The following ATF3 variants were observed in gnomAD, a reference collection of about 807,000 sequenced individuals.
ATF3 encodes cyclic AMP-dependent transcription factor ATF-3.
A neutral mutation model predicts 18.4 loss-of-function variants in ATF3; 10 were observed. That is an observed-to-expected ratio of 0.54 (90% CI 0.34 to 0.92). The LOEUF (loss-of-function observed/expected upper bound fraction) is 0.92. Among genes scored for constraint, ATF3 ranks in the 40% least tolerant of loss-of-function variants. The pLI is 0.02. For synonymous variants in ATF3, 78 were observed against 87.9 expected, an observed-to-expected ratio of 0.89 and a Z score of 0.63; for missense variants, 183 against 222.3, an observed-to-expected ratio of 0.82 and a Z score of 1.12.
intron 1 of ATF3, among the ~76,000 whole-genome samples, chr1:212,566,359 CTG>C (rs956794061): frequency 6.6e-6 from 1 of 152,198 alleles, no homozygotes; most frequent in African/African-American, 2.4e-5. Flanking sequence ...CTGCCATTTG[CTG>C]TGCGACCTTG....
At chr1:212,578,585 T>C (rs1558226008) in intron 1 of ATF3, among the ~76,000 whole-genome samples, 1 of 152,028 alleles carries the variant, frequency 6.6e-6, no homozygotes, top group South Asian at 2.1e-4. Flanking sequence ...ATTTCTGAGG[T>C]TTTTTTTAGT....
chr1:212,619,686 G>A lies in ATF3; in HGVS notation c.*131G>A. On this transcript the variant is annotated 3_prime_UTR_variant, in exon 4 of 4. Coordinates refer to ENST00000341491, the MANE Select transcript of ATF3 (RefSeq NM_001674.4). This position sits in a 1 kb window ranked among gnomAD's most constrained non-coding sequence, Gnocchi z 4.4. ...CCAGCAGCAGAGAACCATCAAGGCG[G>A]GAGGGCCTGCAGTGATTCAGCAGGC... The A allele has an allele frequency of 7.6e-7, 1 of 1,324,268 alleles. No individual in the cohort carries two copies. Among genetic ancestry groups the A allele is most frequent in the Non-Finnish European group, 1.0e-6 (1 of 954,868 alleles). 82.0% of individuals were successfully genotyped at this position (1,324,268 alleles called of 1,614,324 possible).
chr1:212,590,625 C>T (rs184686240), intron 1 of ATF3, among the ~76,000 whole-genome samples: 18 of 152,180 alleles, frequency 1.2e-4, no homozygotes, highest in South Asian at 2.1e-4. Flanking sequence ...ATTTTTAAAA[C>T]GTAACAGGTG....
At chr1:212,586,875 T>C (rs1664788438) in intron 1 of ATF3, among the ~76,000 whole-genome samples, 1 of 152,202 alleles carries the variant, frequency 6.6e-6, no homozygotes, top group Non-Finnish European at 1.5e-5. Context: ...GGGGAGCCAA[T>C]TCTCAGTTTC....
chr1:212,572,450 C>A (rs1241022405), intron 1 of ATF3, among the ~76,000 whole-genome samples: 7 of 152,098 alleles, frequency 4.6e-5, no homozygotes, highest in African/African-American at 1.7e-4. Context: ...ACCCGGGAGG[C>A]GGAGGTTGCA....
intron 1 of ATF3, among the ~76,000 whole-genome samples, chr1:212,598,391 G>A (rs1431552429): frequency 3.3e-5 from 5 of 152,058 alleles, no homozygotes; most frequent in African/African-American, 1.2e-4. Flanking sequence ...CTTTGATACA[G>A]GCATGCAAGA....
chr1:212,615,227 A>T lies in ATF3; in HGVS notation c.206A>T (p.Asp69Val). The T allele has an allele frequency of 1.2e-6, 2 of 1,614,148 alleles. No individual in the cohort carries two copies. The highest frequency in any genetic ancestry group is 1.7e-6 in the Non-Finnish European group (2 of 1,180,028). Residue 69 changes from aspartate to valine, a missense_variant, in exon 2 of 4, where the codon GAC (aspartate) becomes GTC (valine). Transcript: ENST00000341491. ...GCGCTGGAATCAGTCACTGTCAGCG[A>T]CAGACCCCTCGGGGTGTCCATCACA... ...SSALESVTVS[D>V]RPLGVSITKA...
In ATF3 at chr1:212,618,997, C is replaced by T; in HGVS notation, c.349-361C>T. The T allele has an allele frequency of 6.2e-7, 1 of 1,611,682 alleles. No homozygotes were observed. Among genetic ancestry groups the T allele is most frequent in the Middle Eastern group, 1.7e-4 (1 of 6,054 alleles). On this transcript the variant is annotated intron_variant, in intron 3 of 3. Coordinates refer to ENST00000341491, the MANE Select transcript of ATF3 (RefSeq NM_001674.4). This position sits in a 1 kb window ranked among gnomAD's most constrained non-coding sequence, Gnocchi z 4.4. ...GGGGAGATGAGCTTCTCATTGAGAT[C>T]TGTGACTCAGAATCGACTAAGCCAC... is the stretch of plus-strand genomic sequence containing the variant.
upstream of ATF3, among the ~76,000 whole-genome samples, chr1:212,604,011 A>G (rs1654556409): frequency 6.6e-6 from 1 of 152,204 alleles, no homozygotes; most frequent in South Asian, 2.1e-4. Context: ...GATTGTGGGT[A>G]ATATTTTTCC....
At chr1:212,583,230 G>GT (rs113765983) in intron 1 of ATF3, among the ~76,000 whole-genome samples, 17 of 151,550 alleles carry the variant, frequency 1.1e-4, no homozygotes, top group Middle Eastern at 3.4e-3. Flanking sequence ...TTCTCTCTCT[G>GT]TTTTTTTTTA....
At chr1:212,605,743 C>T (rs748271495), upstream of ATF3, among the ~76,000 whole-genome samples, 8 of 152,106 alleles carry the variant, frequency 5.3e-5, no homozygotes, top group Non-Finnish European at 1.2e-4. Context: ...TAATTTTTTC[C>T]CTTCCTTTTG....
At chr1:212,612,932 G>T (rs1488367649) in intron 1 of ATF3, among the ~76,000 whole-genome samples, 3 of 152,194 alleles carry the variant, frequency 2.0e-5, no homozygotes, top group African/African-American at 7.2e-5. Flanking sequence ...CCTGGCCAAA[G>T]AATGTTTTCC....
intron 1 of ATF3, among the ~76,000 whole-genome samples, chr1:212,577,159 C>G (rs572511989): frequency 6.6e-6 from 1 of 152,302 alleles, no homozygotes; most frequent in African/African-American, 2.4e-5. Flanking sequence ...TATTTTCCCT[C>G]TGCACTTTGA....
At chr1:212,591,476 G>A (rs908147519) in intron 1 of ATF3, among the ~76,000 whole-genome samples, 1 of 152,192 alleles carries the variant, frequency 6.6e-6, no homozygotes, top group Non-Finnish European at 1.5e-5. Context: ...ATGTAGTTTT[G>A]AAAATGTAAG....
rs1407113065 is a variant in ATF3 at position 212,619,942 on chromosome 1, G to A, written c.*387G>A. 9 of 282,132 alleles carry A rather than the reference G, an allele frequency of 3.2e-5. 1 individual carries two copies. Among genetic ancestry groups the A allele is most frequent in the Admixed American group, 1.4e-4 (3 of 21,196 alleles). 17.5% of individuals were successfully genotyped at this position (282,132 alleles called of 1,614,324 possible). A position where few individuals can be genotyped will look rare whatever the true frequency, so the allele number is the denominator to read the frequency against. On this transcript the variant is annotated 3_prime_UTR_variant, in exon 4 of 4. Transcript: ENST00000341491. This position sits in a 1 kb window ranked among gnomAD's most constrained non-coding sequence, Gnocchi z 4.4. Reference sequence around the variant, plus strand: ...GAGGGATGGGGCCATCTCCTTCACCGTGGCTACCATTGTCACTCGTAGGGG... The same window carrying A: ...GAGGGATGGGGCCATCTCCTTCACCATGGCTACCATTGTCACTCGTAGGGG...
intron 1 of ATF3, among the ~76,000 whole-genome samples, chr1:212,571,957 C>G (rs139080720): frequency 0.048 from 7,268 of 151,926 alleles, 209 homozygotes; most frequent in Middle Eastern, 0.13. Flanking sequence ...CGTGATCCGC[C>G]CGGCTCGGCC....
intron 1 of ATF3, among the ~76,000 whole-genome samples, chr1:212,583,431 G>C (rs1664720728): frequency 6.6e-6 from 1 of 152,232 alleles, no homozygotes; most frequent in African/African-American, 2.4e-5. Flanking sequence ...TAACTGAGGA[G>C]AGTTTAGCAA....
At chr1:212,610,554 C>T (rs971355584) in intron 1 of ATF3, among the ~76,000 whole-genome samples, 2 of 152,232 alleles carry the variant, frequency 1.3e-5, no homozygotes, top group African/African-American at 2.4e-5. Context: ...CAGCACCCCA[C>T]GCCCGCAGTG....
In ATF3 at chr1:212,619,930, A is replaced by G; in HGVS notation, c.*375A>G. ...TACCTCGGGTGGGAGGGATGGGGCC[A>G]TCTCCTTCACCGTGGCTACCATTGT... On this transcript the variant is annotated 3_prime_UTR_variant, in exon 4 of 4. Transcript: ENST00000341491. The surrounding 1 kb of genome is among the most constrained non-coding windows in gnomAD (Gnocchi z 4.4). 1 of 288,236 alleles carries G rather than the reference A, an allele frequency of 3.5e-6. No homozygotes were observed. Among genetic ancestry groups the G allele is most frequent in the Admixed American group, 4.6e-5 (1 of 21,622 alleles). 17.9% of individuals were successfully genotyped at this position (288,236 alleles called of 1,614,324 possible). A position where few individuals can be genotyped will look rare whatever the true frequency, so the allele number is the denominator to read the frequency against.
Sources: gnomAD v4.1 joint callset for allele counts (sites outside exome capture counted in the v4.1 genomes callset) on GRCh38, gnomAD v4.1.1 for gene constraint, Gnocchi (gnomAD v3.1) non-coding constraint, MANE v1.5 for transcripts, NCBI Gene and HGNC (gene_info 2026-07-23, HGNC 2026-07-21) for gene names.